Variants in MAP4K4 observed in about 807,000 individuals in gnomAD.
MAP4K4 encodes HPK/GCK-like kinase HGK.
A neutral mutation model predicts 189.6 loss-of-function variants in MAP4K4; 38 were observed. The ratio of observed to expected loss-of-function variants is 0.20; its 90% CI spans 0.15 to 0.26. The LOEUF is 0.26. MAP4K4 is among the 10% of genes least tolerant of loss of function. The pLI is 1.00. For synonymous variants in MAP4K4, 610 were observed against 624.3 expected (o/e 0.98, Z 0.34); for missense variants, 1,054 against 1,726.9 (o/e 0.61, Z 6.91).
chr2:101,698,707 TA>T (rs2036167574), intron 2 of MAP4K4, among the ~76,000 whole-genome samples, 169 bp downstream of exon 2: 1 of 152,204 alleles, frequency 6.6e-6, no homozygotes, highest in African/African-American at 2.4e-5. Context: ...ACCGAGTTTA[TA>T]TTCAGACTGG....
chr2:101,871,555 A>T, exon 24 of MAP4K4: 3 of 1,535,986 alleles, frequency 2.0e-6, no homozygotes, highest in Non-Finnish European at 2.6e-6. Flanking sequence ...GGTCGCATTC[A>T]CCTCTTGCCA....
intron 12 of MAP4K4, among the ~76,000 whole-genome samples, chr2:101,848,075 G>A (rs1019404826): frequency 2.2e-4 from 34 of 152,160 alleles, no homozygotes; most frequent in African/African-American, 7.7e-4. Context: ...GTAATAGGCT[G>A]TACCATCTAG....
intron 3 of MAP4K4, among the ~76,000 whole-genome samples, chr2:101,803,141 G>C (rs1228734740): frequency 6.6e-6 from 1 of 152,078 alleles, no homozygotes; most frequent in Non-Finnish European, 1.5e-5. Flanking sequence ...GCATATAGTA[G>C]GCATTTAGTA....
chr2:101,786,566 A>G (rs2091318391), intron 2 of MAP4K4, among the ~76,000 whole-genome samples: 1 of 152,190 alleles, frequency 6.6e-6, no homozygotes, highest in African/African-American at 2.4e-5. Context: ...AAATCATGCT[A>G]TGTCTGCTAA....
chr2:101,881,218 G>GT (rs998747313), intron 27 of MAP4K4, among the ~76,000 whole-genome samples: 1 of 151,800 alleles, frequency 6.6e-6, no homozygotes, highest in African/African-American at 2.4e-5. Context: ...TACCCATTTT[G>GT]TTTTTTTAAG....
chr2:101,798,827 A>G (rs1342566719), intron 3 of MAP4K4, among the ~76,000 whole-genome samples: 2 of 152,332 alleles, frequency 1.3e-5, no homozygotes, highest in African/African-American at 4.8e-5. Context: ...TTCTATTGCA[A>G]TATTTATAAT....
chr2:101,887,109 A>G, exon 30 of MAP4K4: 1 of 1,593,930 alleles, frequency 6.3e-7, no homozygotes, highest in Non-Finnish European at 8.5e-7. Flanking sequence ...ATTGGTACAT[A>G]AGCCATTACT....
At position 101,732,910 on chromosome 2, in the gene MAP4K4, C is replaced by T. The variant is rs191867809; in HGVS notation, c.123+34372C>T. ...CCCTCCTTGCTCCCATTTTAAGTGC[C>T]GGTGGATTTGGAAAGATGGATATGT... On this transcript the variant is annotated intron_variant, in intron 2 of 32. Coordinates refer to ENST00000324219, the Ensembl canonical transcript of MAP4K4. Among the ~76,000 whole-genome samples, 20 of 152,248 alleles carry T rather than the reference C, an allele frequency of 1.3e-4. No homozygotes were observed. In the East Asian group the frequency reaches 1.7e-3, roughly 13 times the overall value.
At position 101,760,528 on chromosome 2, in the gene MAP4K4, A is replaced by ATGTGTG. The variant is rs1445696926; in HGVS notation, c.124-30191_124-30190insGTGTGT. Among the ~76,000 whole-genome samples, 763 of 108,498 alleles carry ATGTGTG rather than the reference A, an allele frequency of 7.0e-3. 7 individuals carry two copies. The highest frequency in any genetic ancestry group is 0.034 in the African/African-American group (738 of 21,572). 71.2% of individuals were successfully genotyped at this position (108,498 alleles called of 152,430 possible). On this transcript the variant is annotated intron_variant, in intron 2 of 32. Transcript: ENST00000324219. ...AATATATATATATATATATATGTAT[A>ATGTGTG]TATGTGTGTGTGTGTGTGTGTGTGT...
In MAP4K4 at chr2:101,851,184, G is replaced by A. The variant is rs930317956; in HGVS notation, c.1234-4793G>A. Among the ~76,000 whole-genome samples the A allele has an allele frequency of 5.9e-5, 9 of 152,282 alleles. No homozygotes were observed. In the South Asian group the frequency reaches 1.4e-3, roughly 25 times the overall value. ...GACAAGTACATATTTACTTAGGCAC[G>A]CTTGGGAAAATTTAAGTAATAAAAT... On this transcript the variant is annotated intron_variant, in intron 12 of 32. Coordinates refer to ENST00000324219, the Ensembl canonical transcript of MAP4K4.
chr2:101,732,839 G>A (rs1020368867), intron 2 of MAP4K4, among the ~76,000 whole-genome samples: 1 of 152,210 alleles, frequency 6.6e-6, no homozygotes, highest in Non-Finnish European at 1.5e-5. Flanking sequence ...CGCCTGCCTC[G>A]GCCTCCCGAA....
intron 2 of MAP4K4, among the ~76,000 whole-genome samples, chr2:101,736,767 G>A (rs1326732524): frequency 6.6e-6 from 1 of 152,190 alleles, no homozygotes; most frequent in Non-Finnish European, 1.5e-5. Flanking sequence ...CTGCCAGAAT[G>A]TAAGTTCTGG....
chr2:101,792,923 C>A (rs995316340), intron 3 of MAP4K4, among the ~76,000 whole-genome samples: 9 of 152,266 alleles, frequency 5.9e-5, no homozygotes, highest in African/African-American at 2.2e-4. Flanking sequence ...TGTGAGCCAC[C>A]GCGTCTGGCC....
chr2:101,831,924 A>G, intron 7 of MAP4K4, 73 bp downstream of exon 7: 1 of 1,534,330 alleles, frequency 6.5e-7, no homozygotes, highest in Non-Finnish European at 8.8e-7. Context: ...TTGCTTATAA[A>G]TTGCACACCC....
exon 20 of MAP4K4, chr2:101,867,219 C>G (rs2097844579): frequency 1.9e-6 from 3 of 1,600,408 alleles, no homozygotes; most frequent in Non-Finnish European, 2.6e-6. Context: ...CAGCATCATC[C>G]AAGTCTGAAG....
chr2:101,827,947 G>A (rs1487917479), intron 5 of MAP4K4, among the ~76,000 whole-genome samples: 1 of 152,182 alleles, frequency 6.6e-6, no homozygotes, highest in Non-Finnish European at 1.5e-5. Context: ...TCTCTGCTAA[G>A]GAAGGATAAT....
chr2:101,746,629 A>T (rs1197345791), intron 2 of MAP4K4, among the ~76,000 whole-genome samples: 1 of 152,156 alleles, frequency 6.6e-6, no homozygotes, highest in Non-Finnish European at 1.5e-5. Flanking sequence ...GGGATCTTGC[A>T]CATTTTTGGA....
At chr2:101,759,488 C>T (rs2074738417) in intron 2 of MAP4K4, among the ~76,000 whole-genome samples, 2 of 60,478 alleles carry the variant, frequency 3.3e-5, no homozygotes, top group African/African-American at 7.2e-5. Context: ...CCCCTCCCCT[C>T]CCCTCTCCTC....
intron 2 of MAP4K4, among the ~76,000 whole-genome samples, chr2:101,751,281 A>G (rs2068800959): frequency 6.6e-6 from 1 of 152,224 alleles, no homozygotes; most frequent in Non-Finnish European, 1.5e-5. Context: ...TCGGTGGAAC[A>G]TATTCACTAG....
Sources: gnomAD v4.1 joint callset for allele counts (sites outside exome capture counted in the v4.1 genomes callset) on GRCh38, gnomAD v4.1.1 for gene constraint, MANE v1.5 for transcripts, NCBI Gene and HGNC (gene_info 2026-07-23, HGNC 2026-07-21) for gene names.